UTRN: variants seen among roughly 807,000 people sequenced by gnomAD.
UTRN encodes dystrophin-related protein 1.
Under a neutral mutation model 463.9 loss-of-function variants are expected in UTRN, and 283 were observed. The ratio of observed to expected loss-of-function variants is 0.61; its 90% CI spans 0.55 to 0.67. The LOEUF is 0.67. Ranked by LOEUF, UTRN falls within the 30% of genes least tolerant of loss-of-function variation. The probability of loss-of-function intolerance (pLI) is 0.00; values close to 1 mark genes in which losing one functional copy is unlikely to be tolerated. For synonymous variants in UTRN, 1,442 were observed against 1,431.5 expected, an observed-to-expected ratio of 1.01 and a Z score of -0.17; for missense variants, 3,922 against 4,084.3, an observed-to-expected ratio of 0.96 and a Z score of 1.08.
At chr6:144,507,137 A>G (rs113509591) in intron 34 of UTRN, among the ~76,000 whole-genome samples, 51 of 151,158 alleles carry the variant, frequency 3.4e-4, no homozygotes, top group African/African-American at 1.2e-3. Flanking sequence ...TCTTCTCTAA[A>G]TTGGTTAGTC....
chr6:144,391,023 A>G (rs1781867816), intron 2 of UTRN, among the ~76,000 whole-genome samples: 1 of 152,118 alleles, frequency 6.6e-6, no homozygotes, highest in Non-Finnish European at 1.5e-5. Flanking sequence ...TTAGACTAGA[A>G]AATATAAAAC....
intron 39 of UTRN, 138 bp downstream of exon 39, chr6:144,517,086 A>G (rs1585090447): frequency 2.8e-6 from 2 of 709,816 alleles, no homozygotes; most frequent in East Asian, 3.4e-5. Flanking sequence ...GTGTGTTACT[A>G]GATGTGTTCA....
intron 58 of UTRN, among the ~76,000 whole-genome samples, chr6:144,771,643 C>T (rs1794030971): frequency 6.6e-6 from 1 of 151,966 alleles, no homozygotes; most frequent in African/African-American, 2.4e-5. Flanking sequence ...CCAGGCTTGT[C>T]TCAATCTCCT....
chr6:144,801,454 G>T (rs1352916215), intron 64 of UTRN, among the ~76,000 whole-genome samples: 1 of 152,068 alleles, frequency 6.6e-6, no homozygotes, highest in Non-Finnish European at 1.5e-5. Flanking sequence ...CAGAAATAAA[G>T]ATAGAGGAAT....
At chr6:144,842,222 A>G (rs545941284) in intron 73 of UTRN, among the ~76,000 whole-genome samples, 5 of 151,600 alleles carry the variant, frequency 3.3e-5, no homozygotes, top group African/African-American at 1.2e-4. Flanking sequence ...ATTATTATTT[A>G]CTGTATAGAA....
intron 53 of UTRN, among the ~76,000 whole-genome samples, chr6:144,712,092 G>C (rs955898207): frequency 1.3e-5 from 2 of 152,142 alleles, no homozygotes; most frequent in African/African-American, 2.4e-5. Context: ...GTTGCCTACA[G>C]TGGGAAACTT....
chr6:144,416,761 A>T (rs1415546280), intron 3 of UTRN, among the ~76,000 whole-genome samples: 2 of 152,152 alleles, frequency 1.3e-5, no homozygotes, highest in African/African-American at 4.8e-5. Context: ...TATACCCTTC[A>T]AGTTCAAGAC....
chr6:144,762,356 T>G (rs1033776612), intron 58 of UTRN, among the ~76,000 whole-genome samples: 1 of 152,178 alleles, frequency 6.6e-6, no homozygotes, highest in Non-Finnish European at 1.5e-5. Flanking sequence ...AGGATTATAT[T>G]TAGGAAGGAG....
At chr6:144,484,094 A>G (rs989163005) in intron 27 of UTRN, among the ~76,000 whole-genome samples, 3 of 152,312 alleles carry the variant, frequency 2.0e-5, no homozygotes, top group African/African-American at 7.2e-5. Context: ...TTACCACTCA[A>G]ATAAGTTCCT....
rs193182491 is a variant in UTRN, at chr6:144,724,337, T to C, written c.7810-6020T>C. The stretch of plus-strand genomic sequence containing the variant: ...TCTGCCTCCCGAGTTCAAGTGATTC[T>C]CCTGCCTCAGCCTCCCAAGTAGCTG... On this transcript the variant is annotated intron_variant, in intron 53 of 74. Transcript: ENST00000367545. Among the ~76,000 whole-genome samples the C allele has an allele frequency of 5.9e-3, 868 of 148,286 alleles. 5 individuals are homozygous for C. The highest frequency in any genetic ancestry group is 0.018 in the African/African-American group (746 of 40,438).
At chr6:144,424,528 A>G (rs1785125626) in intron 6 of UTRN, among the ~76,000 whole-genome samples, 1 of 152,212 alleles carries the variant, frequency 6.6e-6, no homozygotes, top group Non-Finnish European at 1.5e-5. Context: ...TGAAGTACTG[A>G]GGGTTAGGAC....
At chr6:144,422,042 C>T in intron 4 of UTRN, 72 bp downstream of exon 4, 5 of 1,263,380 alleles carry the variant, frequency 4.0e-6, no homozygotes, top group Non-Finnish European at 5.5e-6. Context: ...GTGTGGGTAC[C>T]CATTAAAGTG....
chr6:144,288,741 ACTCT>A (rs1224285624), intron 1 of UTRN, among the ~76,000 whole-genome samples: 78 of 146,248 alleles, frequency 5.3e-4, no homozygotes, highest in African/African-American at 1.1e-3. Flanking sequence ...TTTATATCCA[ACTCT>A]CTCTCTCTCT....
chr6:144,820,303 A>T (rs570927963), intron 65 of UTRN, among the ~76,000 whole-genome samples: 19 of 152,326 alleles, frequency 1.2e-4, no homozygotes, highest in African/African-American at 4.6e-4. Flanking sequence ...ATATGTCTGC[A>T]TAGTTGGGAA....
Position 144,451,261 on chromosome 6 carries a change from G to T in UTRN, c.2073-109G>T. On this transcript the variant is annotated intron_variant, in intron 17 of 74. Coordinates refer to ENST00000367545, the MANE Select transcript of UTRN (RefSeq NM_007124.3). ...TATTTCTGGGTTGCTGTTTTTGGGG[G>T]AGTGATAAAAAGACATATTCCTGAT... is the stretch of plus-strand genomic sequence containing the variant. The T allele has an allele frequency of 4.7e-6, 6 of 1,289,548 alleles. No homozygotes were observed. The Admixed American group carries it at 9.7e-5, about 21-fold the overall frequency. The allele number at this position is 1,289,548 out of a possible 1,614,324, so 79.9% of individuals were successfully genotyped here.
intron 66 of UTRN, among the ~76,000 whole-genome samples, chr6:144,823,627 G>A (rs1400354284): frequency 1.3e-5 from 2 of 152,096 alleles, no homozygotes; most frequent in Admixed American, 6.6e-5. Context: ...CTAAAAGGGA[G>A]TAAACAAATC....
intron 65 of UTRN, among the ~76,000 whole-genome samples, chr6:144,805,473 T>C (rs1030109040): frequency 6.6e-6 from 1 of 152,146 alleles, no homozygotes; most frequent in Admixed American, 6.5e-5. Context: ...AAAGAACTAG[T>C]AGAAGCATGT....
At chr6:144,326,960 A>C (rs1014782015) in intron 2 of UTRN, among the ~76,000 whole-genome samples, 1 of 152,204 alleles carries the variant, frequency 6.6e-6, no homozygotes, top group Non-Finnish European at 1.5e-5. Context: ...CCTGAAGGAC[A>C]GTTCTGACTT....
chr6:144,418,687 G>A (rs1784572961), intron 3 of UTRN, among the ~76,000 whole-genome samples: 1 of 151,800 alleles, frequency 6.6e-6, no homozygotes, highest in South Asian at 2.1e-4. Flanking sequence ...CCAAGTAGCT[G>A]GGATTACAGG....
Sources: allele counts gnomAD v4.1 joint callset (sites outside exome capture counted in the v4.1 genomes callset), GRCh38; gene constraint gnomAD v4.1.1; transcripts MANE v1.5; gene names NCBI Gene and HGNC (gene_info 2026-07-23, HGNC 2026-07-21).